Variants in MYO16 observed in about 807,000 individuals in gnomAD.
MYO16 encodes unconventional myosin-XVI.
MYO16 carries 94 observed loss-of-function variants against 205.3 expected under a neutral mutation model. The observed-to-expected ratio is 0.46, with a 90% CI of 0.39 to 0.54. MYO16 has a LOEUF of 0.54. Among genes scored for constraint, MYO16 ranks in the 20% least tolerant of loss-of-function variants. MYO16 has a pLI of 0.00. For synonymous variants in MYO16, 988 were observed against 954.0 expected, an observed-to-expected ratio of 1.04 and a Z score of -0.66; for missense variants, 2,315 against 2,387.5, an observed-to-expected ratio of 0.97 and a Z score of 0.63.
At chr13:108,698,164 A>C (rs903057960) in intron 2 of MYO16, among the ~76,000 whole-genome samples, 2 of 152,080 alleles carry the variant, frequency 1.3e-5, no homozygotes, top group African/African-American at 4.8e-5. Context: ...CCCAATTCCA[A>C]ATTTCCAGCT....
intron 2 of MYO16, among the ~76,000 whole-genome samples, chr13:108,708,837 A>G (rs1445595353): frequency 2.0e-5 from 3 of 152,138 alleles, no homozygotes; most frequent in Non-Finnish European, 4.4e-5. Context: ...AACCAGGTGG[A>G]CTATTGTGAT....
chr13:108,719,014 A>G (rs1884056950), intron 3 of MYO16, among the ~76,000 whole-genome samples: 2 of 152,160 alleles, frequency 1.3e-5, no homozygotes, highest in Non-Finnish European at 2.9e-5. Flanking sequence ...AATACACCAC[A>G]CGGGCCTGAT....
intron 6 of MYO16, among the ~76,000 whole-genome samples, chr13:108,795,301 C>T (rs948311031): frequency 2.6e-5 from 4 of 151,672 alleles, no homozygotes; most frequent in Non-Finnish European, 1.5e-5. Context: ...AAGTGATTCT[C>T]GTGTCCAAGT....
chr13:109,006,842 C>T (rs930914904), intron 21 of MYO16, among the ~76,000 whole-genome samples: 1 of 151,978 alleles, frequency 6.6e-6, no homozygotes, highest in African/African-American at 2.4e-5. Flanking sequence ...TGGGTATAGG[C>T]AGAGAAGAGA....
chr13:108,890,534 A>G (rs1880122302), intron 14 of MYO16, among the ~76,000 whole-genome samples: 1 of 152,110 alleles, frequency 6.6e-6, no homozygotes, highest in South Asian at 2.1e-4. Flanking sequence ...GGGAGCAGCA[A>G]ACCCCAGTCC....
intron 20 of MYO16, among the ~76,000 whole-genome samples, chr13:108,976,826 A>G (rs1239086970): frequency 6.6e-6 from 1 of 152,172 alleles, no homozygotes; most frequent in Admixed American, 6.5e-5. Flanking sequence ...AGTAGTCAAG[A>G]AGAGTACAAA....
the MYO16 span, among the ~76,000 whole-genome samples, chr13:108,548,045 A>T: frequency 6.6e-6 from 1 of 152,234 alleles, no homozygotes; most frequent in Non-Finnish European, 1.5e-5. Context: ...ATGCCCTAAC[A>T]TATCTGAGTC....
the MYO16 span, among the ~76,000 whole-genome samples, chr13:108,529,036 C>T: frequency 2.0e-5 from 3 of 152,040 alleles, no homozygotes; most frequent in African/African-American, 7.2e-5. Flanking sequence ...CCAAATCTTT[C>T]AGAACATAAC....
At chr13:108,586,121 C>A in the MYO16 span, among the ~76,000 whole-genome samples, 1 of 151,912 alleles carries the variant, frequency 6.6e-6, no homozygotes, top group Admixed American at 6.6e-5. Context: ...ATGTTGTATA[C>A]ATTCATGTAA....
chr13:108,743,785 C>T (rs1009097134), intron 4 of MYO16, among the ~76,000 whole-genome samples: 1 of 152,216 alleles, frequency 6.6e-6, no homozygotes, highest in Non-Finnish European at 1.5e-5. Context: ...CATAGCTAAA[C>T]ATTTCGTACA....
chr13:108,864,989 C>CT (rs952962595), intron 11 of MYO16, among the ~76,000 whole-genome samples: 6 of 151,974 alleles, frequency 3.9e-5, no homozygotes, highest in Admixed American at 2.0e-4. Flanking sequence ...GTATAATATT[C>CT]TTTTTTTTAA....
At position 108,930,151 on chromosome 13, in the gene MYO16, A is replaced by G. The variant is rs1354409135; in HGVS notation, c.1925+20001A>G. ...AAATTGATCATTCTTACTTCACCAA[A>G]TAAGGGGATAATTGTGTATAGATGG... On this transcript the variant is annotated intron_variant, in intron 16 of 34. Transcript: ENST00000457511. Among the ~76,000 whole-genome samples, 4 of 152,176 alleles carry G rather than the reference A, an allele frequency of 2.6e-5. No individual in the cohort carries two copies. In the East Asian group the frequency reaches 7.7e-4, roughly 29 times the overall value.
At chr13:109,172,053 G>A (rs1196690524) in intron 33 of MYO16, among the ~76,000 whole-genome samples, 1 of 152,100 alleles carries the variant, frequency 6.6e-6, no homozygotes, top group Admixed American at 6.5e-5. Flanking sequence ...AGGCCATTAG[G>A]GCGCCAAACC....
chr13:108,839,215 C>A (rs923851180), intron 9 of MYO16, among the ~76,000 whole-genome samples: 1 of 151,970 alleles, frequency 6.6e-6, no homozygotes, highest in African/African-American at 2.4e-5. Context: ...GTCCCACTCC[C>A]ATTAATCCAT....
chr13:108,684,619 C>A (rs959017460), intron 2 of MYO16, among the ~76,000 whole-genome samples: 1 of 152,198 alleles, frequency 6.6e-6, no homozygotes, highest in South Asian at 2.1e-4. Context: ...AATAAGGGAG[C>A]CCCTGGTGGC....
intron 1 of MYO16, among the ~76,000 whole-genome samples, chr13:108,620,343 G>A (rs571487804): frequency 1.8e-4 from 28 of 152,176 alleles, no homozygotes; most frequent in Admixed American, 1.0e-3. Flanking sequence ...TAACACTAAC[G>A]TATTTATTTT....
intron 5 of MYO16, 74 bp downstream of exon 5, chr13:108,785,817 T>C: frequency 2.0e-6 from 2 of 981,170 alleles, no homozygotes; most frequent in Non-Finnish European, 3.1e-6. Flanking sequence ...TTTTCACAGG[T>C]TTGCTTACAT....
chr13:109,083,274 T>G (rs1248301773), intron 27 of MYO16, among the ~76,000 whole-genome samples: 1 of 150,390 alleles, frequency 6.6e-6, no homozygotes, highest in African/African-American at 2.5e-5. Flanking sequence ...TCCCAGCTAC[T>G]CGGGAGGCTG....
chr13:109,148,844 T>A (rs1361106220), intron 32 of MYO16, among the ~76,000 whole-genome samples: 1 of 152,122 alleles, frequency 6.6e-6, no homozygotes, highest in African/African-American at 2.4e-5. Flanking sequence ...GCAAGAGGAA[T>A]GTTAGAGGCG....
Sources: allele counts gnomAD v4.1 joint callset (sites outside exome capture counted in the v4.1 genomes callset), GRCh38; gene constraint gnomAD v4.1.1; transcripts MANE v1.5; gene names NCBI Gene and HGNC (gene_info 2026-07-23, HGNC 2026-07-21).